Variants in CEP135 observed in about 807,000 individuals in gnomAD.
CEP135 encodes the protein centrosomal protein 135, also known as centrosomal protein of 135 kDa.
Under a neutral mutation model 157.3 loss-of-function variants are expected in CEP135, and 142 were observed. The ratio of observed to expected loss-of-function variants is 0.90; its 90% confidence interval spans 0.79 to 1.04. The LOEUF (loss-of-function observed/expected upper bound fraction) is 1.04. Ranked by LOEUF, CEP135 falls within the 50% of genes least tolerant of loss-of-function variation. The probability of loss-of-function intolerance (pLI) is 0.00; values close to 1 mark genes in which losing one functional copy is unlikely to be tolerated. For synonymous variants in CEP135, 396 were observed against 439.8 expected (o/e 0.90, Z 1.25); for missense variants, 1,317 against 1,309.2 (o/e 1.01, Z -0.09).
At chr4:55,988,505 C>T (rs1198281604) in intron 14 of CEP135, among the ~76,000 whole-genome samples, 1 of 151,884 alleles carries the variant, frequency 6.6e-6, no homozygotes, top group African/African-American at 2.4e-5. Context: ...ACTAAAAATA[C>T]GAAAATTTGC....
chr4:55,994,981 G>A (rs1162951987), intron 15 of CEP135, among the ~76,000 whole-genome samples: 1 of 152,078 alleles, frequency 6.6e-6, no homozygotes, highest in Non-Finnish European at 1.5e-5. Flanking sequence ...CCACACGCCT[G>A]ACCTAAGCAT....
chr4:56,021,353 CAG>C (rs1390406703), intron 24 of CEP135, among the ~76,000 whole-genome samples: 3 of 152,176 alleles, frequency 2.0e-5, no homozygotes, highest in Admixed American at 6.6e-5. Context: ...GGAAACCAAA[CAG>C]ATTTTAATTC....
At chr4:56,015,149 A>G (rs1730729979) in intron 21 of CEP135, among the ~76,000 whole-genome samples, 1 of 152,214 alleles carries the variant, frequency 6.6e-6, no homozygotes, top group Admixed American at 6.5e-5. Flanking sequence ...TGGTGAAGAG[A>G]TTAGATATGT....
intron 6 of CEP135, 31 bp from the exon 7 acceptor site, chr4:55,964,243 T>G (rs771606666): frequency 4.4e-6 from 7 of 1,576,196 alleles, no homozygotes; most frequent in Non-Finnish European, 6.0e-6. Context: ...AAACCAGATT[T>G]TTTAAAATGA....
At chr4:55,959,820 G>A (rs749639731) in intron 6 of CEP135, 54 bp downstream of exon 6, 16 of 1,339,480 alleles carry the variant, frequency 1.2e-5, no homozygotes, top group Non-Finnish European at 1.7e-5. Context: ...TGCTGTGATT[G>A]TAAATAGAAT....
chr4:55,949,564 CGGGTTTCTTTGTTGTCGTTTG>C (rs1261012014), intron 1 of CEP135, among the ~76,000 whole-genome samples: 1 of 152,172 alleles, frequency 6.6e-6, no homozygotes, highest in African/African-American at 2.4e-5. Context: ...CCACAGCTAA[CGGGTTTCTTTGTTGTCGTTTG>C]GGGTTTCTTG....
Position 55,953,149 on chromosome 4 carries a change from G to C in CEP135, c.178G>C (p.Glu60Gln). 6.2e-7 allele frequency: 1 copy of C among 1,607,758 alleles called. No homozygotes were observed. The highest frequency in any genetic ancestry group is 1.1e-5 in the South Asian group (1 of 89,388). The change falls in exon 3 of 26, where the codon GAA (glutamate) becomes CAA (glutamine). Residue 60 changes from glutamate to glutamine, a missense_variant. Physicochemically the swap from Glu to Gln is conservative, Grantham distance 29. Transcript: ENST00000257287. ...SKLSAVKAEKESANFDFVLEP... is the reference protein window; with the variant it reads ...SKLSAVKAEKQSANFDFVLEP... ...ATTATCTGCTGTGAAAGCTGAAAAA[G>C]AAAGTGCCAATTTTGATTTTGTTTT... is the stretch of plus-strand genomic sequence containing the variant.
intron 9 of CEP135, 78 bp downstream of exon 9, chr4:55,969,206 T>C: frequency 8.6e-7 from 1 of 1,163,168 alleles, no homozygotes; most frequent in Non-Finnish European, 1.3e-6. Flanking sequence ...GTTTATCACC[T>C]GAGGTCAGGA....
chr4:55,982,359 C>T (rs1295041380), intron 13 of CEP135, among the ~76,000 whole-genome samples: 3 of 152,140 alleles, frequency 2.0e-5, no homozygotes, highest in East Asian at 1.9e-4. Flanking sequence ...CTGTGTTTAA[C>T]CATTGAAGCC....
rs1400738060 is a variant in CEP135, at chr4:55,985,889, A to G, written c.1857+531A>G. ...CAAGAATTAGAGGCTGCAGTGAGCC[A>G]TGATGACACCACTGCACTCCAGCCT... On this transcript the variant is annotated intron_variant, in intron 14 of 25. Coordinates refer to ENST00000257287, the MANE Select transcript of CEP135 (RefSeq NM_025009.5). Among the ~76,000 whole-genome samples the G allele has an allele frequency of 2.6e-5, 4 of 152,276 alleles. 1 individual carries two copies. The highest frequency in any genetic ancestry group is 9.6e-5 in the African/African-American group (4 of 41,564).
In CEP135 at chr4:55,999,330, G is replaced by A. The variant is rs753312635; in HGVS notation, c.2038G>A (p.Val680Ile). The A allele has an allele frequency of 5.0e-6, 8 of 1,614,012 alleles. No homozygotes were observed. The highest frequency in any genetic ancestry group is 4.4e-5 in the South Asian group (4 of 91,090). Residue 680 changes from valine (V) to isoleucine (I), a missense_variant, in exon 16 of 26, where the codon GTT becomes ATT. Coordinates refer to ENST00000257287, the MANE Select transcript of CEP135 (RefSeq NM_025009.5). ...RIVNEQLQRS[V>I]DDYQHRLSIK... is the part of the protein sequence containing the mutation. ...AGTGAATGAGCAGCTACAGCGGTCA[G>A]TTGATGACTATCAGCACCGACTTTC...
chr4:56,012,369 A>T (rs1230967348), intron 21 of CEP135, among the ~76,000 whole-genome samples: 1 of 152,192 alleles, frequency 6.6e-6, no homozygotes, highest in Non-Finnish European at 1.5e-5. Flanking sequence ...AAGATACTTT[A>T]TTGACCTGAG....
At chr4:56,018,408 T>A (rs1339994192) in intron 22 of CEP135, among the ~76,000 whole-genome samples, 1 of 152,182 alleles carries the variant, frequency 6.6e-6, no homozygotes, top group Non-Finnish European at 1.5e-5. Context: ...TCTAGGAGAT[T>A]ATGAATTTTC....
chr4:56,032,034 A>T lies in CEP135; in HGVS notation c.*686A>T, dbSNP rs1577922699. ...TGGACTCTATGTAACACAAATTCAA[A>T]AGCAAACTAAAAGCTATATGCAGAG... On this transcript the variant is annotated 3_prime_UTR_variant, in exon 26 of 26. Coordinates refer to ENST00000257287, the MANE Select transcript of CEP135 (RefSeq NM_025009.5). The T allele has an allele frequency of 6.6e-6, 1 of 152,356 alleles. No individual in the cohort carries two copies. The highest frequency in any genetic ancestry group is 1.5e-5 in the Non-Finnish European group (1 of 68,028). 9.4% of individuals were successfully genotyped at this position (152,356 alleles called of 1,614,324 possible). A position where few individuals can be genotyped will look rare whatever the true frequency, so the allele number is the denominator to read the frequency against.
intron 19 of CEP135, among the ~76,000 whole-genome samples, chr4:56,010,918 T>C (rs1560421358): frequency 1.3e-5 from 2 of 152,096 alleles, no homozygotes. Flanking sequence ...TTATGGGAAA[T>C]GTGTGATAAA....
chr4:55,998,442 C>T (rs533408554), intron 15 of CEP135, among the ~76,000 whole-genome samples: 56 of 152,258 alleles, frequency 3.7e-4, no homozygotes, highest in African/African-American at 1.3e-3. Flanking sequence ...CCATGTAGGC[C>T]GCTGTACATC....
chr4:56,031,227 GGA>G (rs1731337546), intron 25 of CEP135, 131 bp from the exon 26 acceptor site: 8 of 152,516 alleles, frequency 5.2e-5, no homozygotes, highest in Non-Finnish European at 1.2e-4. Flanking sequence ...AAATATAACT[GGA>G]TGTGGGGCAC....
chr4:55,949,741 T>C (rs936603776), intron 1 of CEP135, among the ~76,000 whole-genome samples: 6 of 152,246 alleles, frequency 3.9e-5, no homozygotes, highest in African/African-American at 1.4e-4. Flanking sequence ...GTTGCTTTGC[T>C]AGAAACTTAG....
intron 11 of CEP135, among the ~76,000 whole-genome samples, chr4:55,979,600 C>T (rs2109681950): frequency 6.6e-6 from 1 of 152,280 alleles, no homozygotes; most frequent in South Asian, 2.1e-4. Context: ...GTTACCTGTA[C>T]TGGGCGAGCA....
Sources: gnomAD v4.1 joint callset for allele counts (sites outside exome capture counted in the v4.1 genomes callset) on GRCh38, gnomAD v4.1.1 for gene constraint, MANE v1.5 for transcripts, NCBI Gene and HGNC (gene_info 2026-07-23, HGNC 2026-07-21) for gene names.